The following CSMD1 variants were observed in gnomAD, a reference collection of about 807,000 sequenced individuals.
CSMD1 encodes the protein CUB and Sushi multiple domains 1.
A neutral mutation model predicts 417.5 loss-of-function variants in CSMD1; 213 were observed. The ratio of observed to expected loss-of-function variants is 0.51; its 90% CI spans 0.46 to 0.57. The LOEUF is 0.57. CSMD1 is among the 20% of genes least tolerant of loss of function. The pLI is 0.00. For missense variants in CSMD1, 6,923 were observed against 4,529.7 expected (o/e 1.53, Z -15.17); for synonymous variants, 2,862 against 1,736.8 (o/e 1.65, Z -16.11).
At chr8:4,660,869 C>T (rs1486825477) in intron 1 of CSMD1, among the ~76,000 whole-genome samples, 1 of 152,206 alleles carries the variant, frequency 6.6e-6, no homozygotes, top group Middle Eastern at 3.4e-3. Flanking sequence ...AAAAGGTACT[C>T]AACAACATTA....
intron 3 of CSMD1, among the ~76,000 whole-genome samples, chr8:4,082,499 T>C (rs1433775370): frequency 6.6e-6 from 1 of 152,092 alleles, no homozygotes; most frequent in Non-Finnish European, 1.5e-5. Flanking sequence ...GATAACAAAG[T>C]CTGTCAAAGA....
intron 51 of CSMD1, among the ~76,000 whole-genome samples, chr8:3,028,673 C>T (rs1178783600): frequency 6.6e-6 from 1 of 152,094 alleles, no homozygotes; most frequent in Admixed American, 6.5e-5. Flanking sequence ...TTGTCTTTTT[C>T]AATTTTTATT....
chr8:4,219,634 A>C (rs2128807458), intron 3 of CSMD1, among the ~76,000 whole-genome samples: 1 of 152,352 alleles, frequency 6.6e-6, no homozygotes, highest in East Asian at 1.9e-4. Context: ...ACTTTAAGCA[A>C]ATCTTTGTTC....
intron 1 of CSMD1, among the ~76,000 whole-genome samples, chr8:4,722,972 A>G (rs890802701): frequency 2.6e-5 from 4 of 152,198 alleles, no homozygotes; most frequent in Non-Finnish European, 4.4e-5. Context: ...TAGAGTGCTA[A>G]GGTATCATTT....
chr8:4,991,871 G>A (rs1415338407), intron 1 of CSMD1, among the ~76,000 whole-genome samples: 1 of 152,176 alleles, frequency 6.6e-6, no homozygotes, highest in African/African-American at 2.4e-5. Context: ...AGGCGTGGAG[G>A]AGACACGGTC....
intron 10 of CSMD1, among the ~76,000 whole-genome samples, chr8:3,507,873 A>T (rs1272111803): frequency 6.6e-6 from 1 of 151,814 alleles, no homozygotes; most frequent in Non-Finnish European, 1.5e-5. Flanking sequence ...TTTCTTGCAA[A>T]TTTGTTTGAG....
chr8:3,999,599 C>A (rs904645284), intron 4 of CSMD1, among the ~76,000 whole-genome samples: 2 of 152,170 alleles, frequency 1.3e-5, no homozygotes, highest in African/African-American at 4.8e-5. Context: ...GGGTAGTTGA[C>A]AGCACACGGT....
intron 2 of CSMD1, among the ~76,000 whole-genome samples, chr8:4,469,916 G>A (rs988136041): frequency 6.6e-6 from 1 of 151,330 alleles, no homozygotes; most frequent in Non-Finnish European, 1.5e-5. Context: ...CGCCCTGGCT[G>A]GAGTGCAGTG....
At chr8:4,838,884 A>G (rs10087858) in intron 1 of CSMD1, among the ~76,000 whole-genome samples, 67,140 of 152,086 alleles carry the variant, frequency 0.44, 15,774 homozygotes, top group East Asian at 0.68. Flanking sequence ...CTTTTGTTCT[A>G]CTGCCCAGAA....
chr8:4,303,654 T>A (rs940449750), intron 3 of CSMD1, among the ~76,000 whole-genome samples: 20 of 152,186 alleles, frequency 1.3e-4, no homozygotes, highest in Non-Finnish European at 1.2e-4. Flanking sequence ...TTCACTTTTT[T>A]ATTTTTTATT....
In CSMD1 at chr8:3,848,069, T is replaced by TTCTCTCTC. The variant is rs111682595; in HGVS notation, c.819-94035_819-94028dup. ...AATCTTCTTACCATCCTGGTGATATTTCTCTCTCTCTCTCTCTCTCTAAAT... is the reference window on the plus strand; with the variant it reads ...AATCTTCTTACCATCCTGGTGATATTTCTCTCTCTCTCTCTCTCTCTCTCTCTCTAAAT... On this transcript the variant is annotated intron_variant, in intron 5 of 69. Transcript: ENST00000635120. Among the ~76,000 whole-genome samples the TTCTCTCTC allele has an allele frequency of 3.5e-3, 473 of 133,456 alleles. 1 individual carries two copies. Among genetic ancestry groups the TTCTCTCTC allele is most frequent in the African/African-American group, 0.012 (434 of 36,456 alleles). The allele number at this position is 133,456 out of a possible 152,430, so 87.6% of individuals were successfully genotyped here. A position where few individuals can be genotyped will look rare whatever the true frequency, so the allele number is the denominator to read the frequency against.
intron 11 of CSMD1, among the ~76,000 whole-genome samples, chr8:3,477,238 C>G (rs771895230): frequency 2.0e-5 from 3 of 152,078 alleles, no homozygotes; most frequent in Non-Finnish European, 4.4e-5. Flanking sequence ...GGGTATGTAC[C>G]TGAATTTTAA....
chr8:4,355,519 G>C (rs1338369851), intron 3 of CSMD1, among the ~76,000 whole-genome samples: 1 of 152,110 alleles, frequency 6.6e-6, no homozygotes, highest in East Asian at 1.9e-4. Flanking sequence ...CAGTAGTTTA[G>C]TAAAGGAAGT....
rs1354567388 is a variant in CSMD1 at position 4,869,923 on chromosome 8, T to C, written c.85+124409A>G. On this transcript the variant is annotated intron_variant, in intron 1 of 69. Transcript: ENST00000635120. ...TAAGAATTTTAGAGTATAAAAGTGG[T>C]CTCTTATATTGTCCTAATCTACAAT... Among the ~76,000 whole-genome samples, 5 of 152,154 alleles carry C rather than the reference T, an allele frequency of 3.3e-5. No individual in the cohort carries two copies. The East Asian group carries it at 7.7e-4, about 23-fold the overall frequency.
At chr8:3,911,153 A>G (rs1423320721) in intron 5 of CSMD1, among the ~76,000 whole-genome samples, 1 of 152,166 alleles carries the variant, frequency 6.6e-6, no homozygotes, top group African/African-American at 2.4e-5. Context: ...AGCTCTCAGA[A>G]AATCATATAA....
chr8:3,942,112 T>G (rs111368104), intron 5 of CSMD1, among the ~76,000 whole-genome samples: 1 of 151,834 alleles, frequency 6.6e-6, no homozygotes. Context: ...TGCCTGATGA[T>G]CTGTCACGCT....
chr8:3,302,737 A>T (rs1215194720), intron 25 of CSMD1, among the ~76,000 whole-genome samples: 2 of 152,196 alleles, frequency 1.3e-5, no homozygotes, highest in Non-Finnish European at 2.9e-5. Context: ...CCATATAGTG[A>T]TGTAGGAACT....
chr8:4,310,310 T>C (rs1477565441), intron 3 of CSMD1, among the ~76,000 whole-genome samples: 3 of 152,216 alleles, frequency 2.0e-5, no homozygotes, highest in Non-Finnish European at 1.5e-5. Flanking sequence ...TGGGTGGGTG[T>C]GGAAGGGAAA....
chr8:4,607,675 C>T (rs985241520), intron 2 of CSMD1, among the ~76,000 whole-genome samples: 1 of 151,872 alleles, frequency 6.6e-6, no homozygotes, highest in African/African-American at 2.4e-5. Flanking sequence ...CAAAAAATTT[C>T]CACCTTTTTT....
Sources: gnomAD v4.1 joint callset for allele counts (sites outside exome capture counted in the v4.1 genomes callset) on GRCh38, gnomAD v4.1.1 for gene constraint, MANE v1.5 for transcripts, NCBI Gene and HGNC (gene_info 2026-07-23, HGNC 2026-07-21) for gene names.